Variants in GABRB1 observed in about 807,000 individuals in gnomAD.
GABRB1 encodes gamma-aminobutyric acid type A receptor subunit beta1, also known as gamma-aminobutyric acid receptor subunit beta-1.
GABRB1 carries 17 observed loss-of-function variants against 51.6 expected under a neutral mutation model. That is an observed-to-expected ratio of 0.33 (90% confidence interval 0.23 to 0.49). The LOEUF (loss-of-function observed/expected upper bound fraction) is 0.49, where lower values mean the gene tolerates loss of function less well. Among genes scored for constraint, GABRB1 ranks in the 20% least tolerant of loss-of-function variants. The probability of loss-of-function intolerance (pLI) is 0.99; values close to 1 mark genes in which losing one functional copy is unlikely to be tolerated. For missense variants in GABRB1, 410 were observed against 600.6 expected, an observed-to-expected ratio of 0.68 and a Z score of 3.32; for synonymous variants, 247 against 218.9, an observed-to-expected ratio of 1.13 and a Z score of -1.14.
chr4:47,410,745 A>G (rs1439579155), intron 8 of GABRB1, among the ~76,000 whole-genome samples: 1 of 152,238 alleles, frequency 6.6e-6, no homozygotes, highest in Non-Finnish European at 1.5e-5. Flanking sequence ...ACTGTCCACT[A>G]TATAAAAGTC....
At chr4:47,425,516 A>AGATC (rs1553884656) in intron 8 of GABRB1, among the ~76,000 whole-genome samples, 158 bp from the exon 9 acceptor site, 3,937 of 149,376 alleles carry the variant, frequency 0.026, 63 homozygotes, top group East Asian at 0.037. Context: ...ATAGATAGAT[A>AGATC]GATCGATCGA....
chr4:47,282,029 G>A (rs538666245), intron 4 of GABRB1, among the ~76,000 whole-genome samples: 99 of 151,940 alleles, frequency 6.5e-4, no homozygotes, highest in Non-Finnish European at 1.2e-3. Flanking sequence ...GCTATTGCTA[G>A]AATATTTAAT....
intron 3 of GABRB1, among the ~76,000 whole-genome samples, chr4:47,066,273 A>G (rs144069381): frequency 1.8e-3 from 278 of 152,352 alleles, no homozygotes; most frequent in African/African-American, 6.4e-3. Flanking sequence ...TATGCTAATG[A>G]TCATCTTGCC....
intron 3 of GABRB1, among the ~76,000 whole-genome samples, chr4:47,053,314 C>A (rs549399582): frequency 2.0e-5 from 3 of 152,100 alleles, no homozygotes; most frequent in Non-Finnish European, 2.9e-5. Flanking sequence ...AAACTGGGAA[C>A]GCCAAGATGA....
chr4:47,020,413 T>C (rs1724897196), intron 1 of GABRB1, among the ~76,000 whole-genome samples: 1 of 152,166 alleles, frequency 6.6e-6, no homozygotes, highest in Admixed American at 6.6e-5. Flanking sequence ...TTCCTTGACA[T>C]GGAGTTACCC....
At chr4:47,351,478 G>A (rs991473902) in intron 5 of GABRB1, among the ~76,000 whole-genome samples, 10 of 151,838 alleles carry the variant, frequency 6.6e-5, no homozygotes, top group Admixed American at 5.2e-4. Flanking sequence ...TTACATATGT[G>A]TACATGTGCC....
At chr4:47,074,269 C>T (rs1259882063) in intron 3 of GABRB1, among the ~76,000 whole-genome samples, 1 of 152,118 alleles carries the variant, frequency 6.6e-6, no homozygotes, top group Non-Finnish European at 1.5e-5. Context: ...ATGTAATATG[C>T]TCAAACGTAT....
intron 3 of GABRB1, among the ~76,000 whole-genome samples, chr4:47,062,497 T>C (rs951603364): frequency 1.3e-5 from 2 of 151,622 alleles, no homozygotes; most frequent in African/African-American, 4.8e-5. Flanking sequence ...TAAAACAGAT[T>C]AGGCAATTTA....
chr4:47,281,226 T>C (rs1723282850), intron 4 of GABRB1, among the ~76,000 whole-genome samples: 1 of 151,924 alleles, frequency 6.6e-6, no homozygotes, highest in African/African-American at 2.4e-5. Flanking sequence ...GATTAAAAAA[T>C]GAACAAAAGA....
chr4:47,220,071 C>A (rs1720711778), intron 4 of GABRB1, among the ~76,000 whole-genome samples: 1 of 151,974 alleles, frequency 6.6e-6, no homozygotes, highest in African/African-American at 2.4e-5. Flanking sequence ...CCTCAAACCA[C>A]AATATATATT....
chr4:47,305,594 C>G (rs1724436773), intron 4 of GABRB1, among the ~76,000 whole-genome samples: 1 of 151,924 alleles, frequency 6.6e-6, no homozygotes, highest in South Asian at 2.1e-4. Flanking sequence ...AGGTGGAAGT[C>G]ACACAAGAAG....
At chr4:47,092,161 C>CCTTTT (rs1728328416) in intron 3 of GABRB1, among the ~76,000 whole-genome samples, 1 of 68,228 alleles carries the variant, frequency 1.5e-5, no homozygotes, top group African/African-American at 6.3e-5. Flanking sequence ...TTCTTTCTTT[C>CCTTTT]TTTCTTTTTT....
chr4:47,118,520 A>C (rs1358767924), intron 3 of GABRB1, among the ~76,000 whole-genome samples: 1 of 152,172 alleles, frequency 6.6e-6, no homozygotes, highest in Non-Finnish European at 1.5e-5. Context: ...GCCAGTTACT[A>C]TCTTGTTCAC....
intron 3 of GABRB1, among the ~76,000 whole-genome samples, chr4:47,063,966 T>C (rs1351233400): frequency 6.6e-6 from 1 of 152,044 alleles, no homozygotes; most frequent in Non-Finnish European, 1.5e-5. Context: ...GGTTGTGAGG[T>C]GCAGCAAACC....
At chr4:47,051,012 G>T (rs886866948) in intron 3 of GABRB1, among the ~76,000 whole-genome samples, 8 of 152,006 alleles carry the variant, frequency 5.3e-5, no homozygotes, top group African/African-American at 1.9e-4. Flanking sequence ...TAATTTTCTT[G>T]TCTCTGTGTG....
chr4:47,065,623 T>C (rs1727043971), intron 3 of GABRB1, among the ~76,000 whole-genome samples: 1 of 152,258 alleles, frequency 6.6e-6, no homozygotes, highest in South Asian at 2.1e-4. Flanking sequence ...CTTCTTAATA[T>C]GAGAACTCCA....
intron 3 of GABRB1, among the ~76,000 whole-genome samples, chr4:47,041,295 C>G (rs1725825120): frequency 6.6e-6 from 1 of 151,954 alleles, no homozygotes; most frequent in Admixed American, 6.6e-5. Context: ...TCAAGAGAGC[C>G]CTGTCCTCTA....
chr4:47,086,993 G>T (rs2109578540), intron 3 of GABRB1, among the ~76,000 whole-genome samples: 1 of 152,264 alleles, frequency 6.6e-6, no homozygotes, highest in East Asian at 1.9e-4. Flanking sequence ...GTGAAGTGGG[G>T]AAACACTGCT....
At chr4:47,270,433 G>A (rs778834993) in intron 4 of GABRB1, among the ~76,000 whole-genome samples, 2 of 152,154 alleles carry the variant, frequency 1.3e-5, no homozygotes, top group Non-Finnish European at 2.9e-5. Flanking sequence ...AGCACAGCAA[G>A]GTCAGCCCAG....
Sources: gnomAD v4.1 joint callset for allele counts (sites outside exome capture counted in the v4.1 genomes callset) on GRCh38, gnomAD v4.1.1 for gene constraint, MANE v1.5 for transcripts, NCBI Gene and HGNC (gene_info 2026-07-23, HGNC 2026-07-21) for gene names.